The following ENOX1 variants were observed in gnomAD, a reference collection of about 807,000 sequenced individuals.
The protein encoded by ENOX1 is ecto-NOX disulfide-thiol exchanger 1, also known as candidate growth-related and time keeping constitutive hydroquinone (NADH) oxidase.
A neutral mutation model predicts 82.5 loss-of-function variants in ENOX1; 42 were observed. The observed-to-expected ratio is 0.51, with a 90% CI of 0.40 to 0.66. The LOEUF is 0.66. Ranked by LOEUF, ENOX1 falls within the 30% of genes least tolerant of loss-of-function variation. The pLI is 0.00. For synonymous variants in ENOX1, 271 were observed against 282.2 expected, an observed-to-expected ratio of 0.96 and a Z score of 0.40; for missense variants, 608 against 811.6, an observed-to-expected ratio of 0.75 and a Z score of 3.05.
At chr13:43,563,994 T>A (rs888039128) in intron 2 of ENOX1, among the ~76,000 whole-genome samples, 4 of 151,910 alleles carry the variant, frequency 2.6e-5, no homozygotes, top group African/African-American at 9.7e-5. Context: ...GAGGAAGGAA[T>A]ACTTCCAAAC....
intron 2 of ENOX1, among the ~76,000 whole-genome samples, chr13:43,662,794 G>A (rs979203015): frequency 6.6e-6 from 1 of 152,162 alleles, no homozygotes; most frequent in African/African-American, 2.4e-5. Context: ...TACAAGATAG[G>A]TATATGGCCC....
chr13:43,731,346 C>T (rs753336752), intron 1 of ENOX1, among the ~76,000 whole-genome samples: 1 of 152,124 alleles, frequency 6.6e-6, no homozygotes, highest in Non-Finnish European at 1.5e-5. Flanking sequence ...TTCTGTGTGC[C>T]TCAGTTCTCT....
rs137993054 is a variant in ENOX1, at chr13:43,455,244, T to C, written c.-75+28765A>G. Among the ~76,000 whole-genome samples, 164 of 152,360 alleles carry C rather than the reference T, an allele frequency of 1.1e-3. 2 individuals carry two copies. The highest frequency in any genetic ancestry group is 1.4e-3 in the Non-Finnish European group (95 of 68,038). The stretch of plus-strand genomic sequence containing the variant: ...ATTTTCCCTCATAATGTTTAGGCTG[T>C]ACTTCATTGTCTTCTAGCTTCCAGT... On this transcript the variant is annotated intron_variant, in intron 3 of 16. Coordinates refer to ENST00000690772, the MANE Select transcript of ENOX1 (RefSeq NM_001347969.2).
intron 1 of ENOX1, among the ~76,000 whole-genome samples, chr13:43,703,231 T>A (rs989608207): frequency 1.3e-5 from 2 of 152,284 alleles, no homozygotes; most frequent in African/African-American, 4.8e-5. Context: ...TTGGGAGGCA[T>A]AGAAAAATGG....
intron 2 of ENOX1, among the ~76,000 whole-genome samples, chr13:43,493,136 C>A (rs1489031138): frequency 6.6e-6 from 1 of 152,162 alleles, no homozygotes; most frequent in East Asian, 1.9e-4. Context: ...AAGATTCTCT[C>A]TCTCTCTCTC....
At chr13:43,502,204 C>T (rs1010333616) in intron 2 of ENOX1, among the ~76,000 whole-genome samples, 3 of 151,504 alleles carry the variant, frequency 2.0e-5, no homozygotes, top group Admixed American at 2.0e-4. Context: ...GGATCAATGA[C>T]AAATAAGGAG....
chr13:43,675,056 C>A (rs193275415), intron 1 of ENOX1, among the ~76,000 whole-genome samples: 1 of 152,136 alleles, frequency 6.6e-6, no homozygotes, highest in Non-Finnish European at 1.5e-5. Flanking sequence ...GAATTTCATT[C>A]TAAAAGCACC....
chr13:43,536,474 C>A lies in ENOX1; in HGVS notation c.-218-52322G>T, dbSNP rs187231704. On this transcript the variant is annotated intron_variant, in intron 2 of 16. Transcript: ENST00000690772. ...TTGCATGTAATACAAAAATCCCATA[C>A]TTTGCTGAGAGGCTTCAAACCATAA... 1.1e-4 allele frequency among the ~76,000 whole-genome samples: 16 copies of A among 152,160 alleles called. No individual in the cohort carries two copies. The East Asian group carries it at 2.9e-3, about 28-fold the overall frequency.
chr13:43,547,775 G>A (rs1178339928), intron 2 of ENOX1: 1 of 152,152 alleles, frequency 6.6e-6, no homozygotes, highest in Non-Finnish European at 1.5e-5. Flanking sequence ...ACCCAATATT[G>A]AGGCTAAAAA....
At position 43,539,062 on chromosome 13, in the gene ENOX1, A is replaced by T. The variant is rs187160682; in HGVS notation, c.-218-54910T>A. Reference sequence around the variant, plus strand: ...GGTCTTGAACTCCTGGCCTCAAGTGATCTTCCTGCCTCGGCCTCCATAGTC... The same window carrying T: ...GGTCTTGAACTCCTGGCCTCAAGTGTTCTTCCTGCCTCGGCCTCCATAGTC... On this transcript the variant is annotated intron_variant, in intron 2 of 16. Transcript: ENST00000690772. 3.9e-5 allele frequency among the ~76,000 whole-genome samples: 6 copies of T among 152,210 alleles called. No individual in the cohort carries two copies. The East Asian group carries it at 1.2e-3, about 29-fold the overall frequency.
At chr13:43,635,398 C>A (rs1370825353) in intron 2 of ENOX1, among the ~76,000 whole-genome samples, 1 of 152,146 alleles carries the variant, frequency 6.6e-6, no homozygotes, top group Non-Finnish European at 1.5e-5. Flanking sequence ...ATGTCCGTTA[C>A]AAAAAGCAAA....
intron 3 of ENOX1, among the ~76,000 whole-genome samples, chr13:43,416,887 C>T (rs1017010877): frequency 1.3e-5 from 2 of 152,156 alleles, no homozygotes; most frequent in Non-Finnish European, 2.9e-5. Flanking sequence ...TGTAGCAAGC[C>T]GAGATCACGC....
At chr13:43,696,904 C>T (rs455004) in intron 1 of ENOX1, among the ~76,000 whole-genome samples, 139,248 of 151,788 alleles carry the variant, frequency 0.92, 64,148 homozygotes, top group East Asian at 1. Context: ...ATAAAAATGT[C>T]TTAAACAAGC....
At chr13:43,364,814 C>T (rs1281245014) in intron 5 of ENOX1, among the ~76,000 whole-genome samples, 5 of 152,166 alleles carry the variant, frequency 3.3e-5, no homozygotes, top group Non-Finnish European at 5.9e-5. Context: ...GGGAACCAAA[C>T]TCAGCAAAAG....
chr13:43,574,390 T>C (rs2080323349), intron 2 of ENOX1, among the ~76,000 whole-genome samples: 1 of 151,912 alleles, frequency 6.6e-6, no homozygotes, highest in Non-Finnish European at 1.5e-5. Context: ...TGTCAGCGAG[T>C]TCTACAAATG....
intron 14 of ENOX1, among the ~76,000 whole-genome samples, chr13:43,248,719 G>A (rs760744211): frequency 2.2e-4 from 33 of 151,620 alleles, no homozygotes; most frequent in Admixed American, 5.9e-4. Context: ...TGTATTCACT[G>A]TAGAAAATAT....
At chr13:43,578,469 C>T (rs1245765501) in intron 2 of ENOX1, among the ~76,000 whole-genome samples, 4 of 152,086 alleles carry the variant, frequency 2.6e-5, no homozygotes, top group South Asian at 2.1e-4. Flanking sequence ...GCTAATAATT[C>T]ATACTTAATA....
intron 3 of ENOX1, among the ~76,000 whole-genome samples, chr13:43,471,980 TA>T (rs1169602052): frequency 6.7e-6 from 1 of 149,408 alleles, no homozygotes; most frequent in African/African-American, 2.5e-5. Flanking sequence ...AATGTTTAAA[TA>T]AAAAAATTCT....
chr13:43,748,573 T>C (rs913880946), intron 1 of ENOX1, among the ~76,000 whole-genome samples: 1 of 152,184 alleles, frequency 6.6e-6, no homozygotes, highest in African/African-American at 2.4e-5. Flanking sequence ...GAAGTTTGTC[T>C]TGAATTTACT....
Sources: allele counts gnomAD v4.1 joint callset (sites outside exome capture counted in the v4.1 genomes callset), GRCh38; gene constraint gnomAD v4.1.1; transcripts MANE v1.5; gene names NCBI Gene and HGNC (gene_info 2026-07-23, HGNC 2026-07-21).